The following LPP variants were observed in gnomAD, a reference collection of about 807,000 sequenced individuals.
The protein encoded by LPP is LIM domain containing preferred translocation partner in lipoma, also known as lipoma-preferred partner.
A neutral mutation model predicts 60.4 loss-of-function variants in LPP; 38 were observed. The observed-to-expected ratio is 0.63, with a 90% CI of 0.49 to 0.83. LPP has a LOEUF of 0.83. Among genes scored for constraint, LPP ranks in the 40% least tolerant of loss-of-function variants. LPP has a pLI of 0.00. For synonymous variants in LPP, 328 were observed against 290.8 expected, an observed-to-expected ratio of 1.13 and a Z score of -1.30; for missense variants, 902 against 783.6, an observed-to-expected ratio of 1.15 and a Z score of -1.80.
chr3:188,322,127 G>A (rs1303812462), intron 2 of LPP, among the ~76,000 whole-genome samples: 1 of 152,136 alleles, frequency 6.6e-6, no homozygotes, highest in Non-Finnish European at 1.5e-5. Flanking sequence ...CCTAAGGACT[G>A]GATAATCTTA....
intron 6 of LPP, among the ~76,000 whole-genome samples, chr3:188,565,205 A>G (rs182560156): frequency 1.6e-3 from 243 of 152,128 alleles, no homozygotes; most frequent in African/African-American, 5.2e-3. Flanking sequence ...GTGGCAATGT[A>G]GTTATTAAAA....
At position 188,875,102 on chromosome 3, in the gene LPP, A is replaced by G; in HGVS notation, c.*623A>G. 1 of 218,898 alleles carries G rather than the reference A, an allele frequency of 4.6e-6. No homozygotes were observed. Among genetic ancestry groups the G allele is most frequent in the Non-Finnish European group, 9.2e-6 (1 of 109,090 alleles). The allele number at this position is 218,898 out of a possible 1,614,324, so 13.6% of individuals were successfully genotyped here. Reference sequence around the variant, plus strand: ...TTGCAACCATCAGAATTCAGAATCTATAGTGACCAGTGATCAAGGCTAATT... The same window carrying G: ...TTGCAACCATCAGAATTCAGAATCTGTAGTGACCAGTGATCAAGGCTAATT... On this transcript the variant is annotated 3_prime_UTR_variant, in exon 12 of 12. Transcript: ENST00000617246.
At chr3:188,554,216 A>C (rs886719997) in intron 6 of LPP, 7 of 152,208 alleles carry the variant, frequency 4.6e-5, no homozygotes, top group African/African-American at 1.7e-4. Context: ...TCTGTGTTGT[A>C]GTTGATAATA....
At chr3:188,317,239 T>C (rs1755344774) in intron 2 of LPP, among the ~76,000 whole-genome samples, 3 of 152,072 alleles carry the variant, frequency 2.0e-5, no homozygotes, top group Admixed American at 2.0e-4. Context: ...TTTAAGTTTT[T>C]TTTTTTTCTC....
chr3:188,628,783 G>T (rs1847322743), intron 7 of LPP, among the ~76,000 whole-genome samples: 1 of 152,042 alleles, frequency 6.6e-6, no homozygotes, highest in African/African-American at 2.4e-5. Context: ...ACCAAAACCT[G>T]ACAGAGATAG....
chr3:188,278,998 T>C (rs1421341440), intron 2 of LPP, among the ~76,000 whole-genome samples: 1 of 152,194 alleles, frequency 6.6e-6, no homozygotes, highest in African/African-American at 2.4e-5. Flanking sequence ...TGGAGGTACA[T>C]TGATATTCAG....
intron 6 of LPP, among the ~76,000 whole-genome samples, chr3:188,602,069 A>AATATATATAT (rs10534152): frequency 3.9e-5 from 5 of 128,838 alleles, no homozygotes; most frequent in African/African-American, 5.6e-5. Flanking sequence ...CTCTATCTCA[A>AATATATATAT]ATATATATAT....
At chr3:188,512,960 T>C (rs574497921) in intron 5 of LPP, among the ~76,000 whole-genome samples, 84 of 152,312 alleles carry the variant, frequency 5.5e-4, no homozygotes, top group African/African-American at 1.9e-3. Context: ...GTTTGATTCA[T>C]AAATCCACAC....
intron 5 of LPP, among the ~76,000 whole-genome samples, chr3:188,501,088 T>A (rs1331537358): frequency 6.6e-6 from 1 of 152,100 alleles, no homozygotes; most frequent in African/African-American, 2.4e-5. Context: ...TTCTGGTAGA[T>A]TTGGGTATGG....
At chr3:188,694,080 A>G (rs1242430462) in intron 7 of LPP, among the ~76,000 whole-genome samples, 1 of 152,168 alleles carries the variant, frequency 6.6e-6, no homozygotes, top group Non-Finnish European at 1.5e-5. Flanking sequence ...GAAGGCAGGG[A>G]ATCTAAAGTT....
intron 8 of LPP, among the ~76,000 whole-genome samples, chr3:188,725,023 CTG>C (rs2149941582): frequency 6.6e-6 from 1 of 152,354 alleles, no homozygotes; most frequent in South Asian, 2.1e-4. Flanking sequence ...GTCAATGTAT[CTG>C]TGAATTTTGC....
chr3:188,582,859 A>G (rs1836569033), intron 6 of LPP, among the ~76,000 whole-genome samples: 1 of 151,976 alleles, frequency 6.6e-6, no homozygotes, highest in African/African-American at 2.4e-5. Context: ...TATCAATTTT[A>G]CCTCCTAAAT....
At chr3:188,335,489 A>G (rs1046475610) in intron 2 of LPP, among the ~76,000 whole-genome samples, 14 of 152,004 alleles carry the variant, frequency 9.2e-5, no homozygotes, top group Non-Finnish European at 1.6e-4. Flanking sequence ...CTGGCCTATA[A>G]TTTTCTTTTT....
chr3:188,753,772 T>G (rs1729008375), intron 8 of LPP, among the ~76,000 whole-genome samples: 1 of 152,130 alleles, frequency 6.6e-6, no homozygotes, highest in Admixed American at 6.5e-5. Flanking sequence ...TGTTTGAGTG[T>G]GGGTGTGTGT....
intron 8 of LPP, among the ~76,000 whole-genome samples, chr3:188,739,437 G>T (rs1723655000): frequency 6.6e-6 from 1 of 152,036 alleles, no homozygotes; most frequent in South Asian, 2.1e-4. Context: ...TCAAGCAAAG[G>T]CATAGAGATT....
At chr3:188,258,446 G>C (rs1163134220) in intron 2 of LPP, among the ~76,000 whole-genome samples, 2 of 152,182 alleles carry the variant, frequency 1.3e-5, no homozygotes, top group African/African-American at 4.8e-5. Flanking sequence ...CTTCAGCCTT[G>C]TGAGTAGCTG....
chr3:188,660,090 G>A (rs1291051603), intron 7 of LPP, among the ~76,000 whole-genome samples: 1 of 152,040 alleles, frequency 6.6e-6, no homozygotes, highest in African/African-American at 2.4e-5. Context: ...ATTCTCATTT[G>A]CTTTTTAGTT....
At chr3:188,566,873 GT>G (rs1172219119) in intron 6 of LPP, among the ~76,000 whole-genome samples, 6 of 151,718 alleles carry the variant, frequency 4.0e-5, no homozygotes. Flanking sequence ...TTCCAGAATA[GT>G]TACAGTATCT....
chr3:188,670,873 G>T (rs1281573094), intron 7 of LPP, among the ~76,000 whole-genome samples: 1 of 152,188 alleles, frequency 6.6e-6, no homozygotes. Flanking sequence ...CATGATTAAT[G>T]TGTCCTCGTT....
Sources: allele counts gnomAD v4.1 joint callset (sites outside exome capture counted in the v4.1 genomes callset), GRCh38; gene constraint gnomAD v4.1.1; transcripts MANE v1.5; gene names NCBI Gene and HGNC (gene_info 2026-07-23, HGNC 2026-07-21).